Variants in LRRC8B observed in about 807,000 individuals in gnomAD.
LRRC8B encodes the protein volume-regulated anion channel subunit LRRC8B.
LRRC8B carries 23 observed loss-of-function variants against 58.8 expected under a neutral mutation model. The observed-to-expected ratio is 0.39, with a 90% CI of 0.28 to 0.55. The LOEUF (loss-of-function observed/expected upper bound fraction) is 0.55. Ranked by LOEUF, LRRC8B falls within the 20% of genes least tolerant of loss-of-function variation. LRRC8B has a pLI of 0.62. For synonymous variants in LRRC8B, 359 were observed against 374.1 expected (o/e 0.96, Z 0.47); for missense variants, 694 against 936.0 (o/e 0.74, Z 3.37).
rs1181964605 is a variant in LRRC8B at position 89,583,640 on chromosome 1, T to C, written c.990T>C (p.Ser330=). Residue 330 remains serine (S), a synonymous_variant, in exon 5 of 6, where the codon TCT becomes TCC. Coordinates refer to ENST00000330947, the MANE Select transcript of LRRC8B (RefSeq NM_001369817.2). The surrounding 1 kb of genome is among the most constrained non-coding windows in gnomAD (Gnocchi z 5.2). ...TGGTTATACTTTATGGTCTGACCTC[T>C]TCCTACAGCCTGTGGTGGATGCTGA... is the stretch of plus-strand genomic sequence containing the variant. ...VILVILYGLT[S]SYSLWWMLRS... is the part of the protein sequence containing the mutation. 6.2e-7 allele frequency: 1 copy of C among 1,613,482 alleles called. No homozygotes were observed. Among genetic ancestry groups the C allele is most frequent in the South Asian group, 1.1e-5 (1 of 91,082 alleles).
chr1:89,588,350 G>C (rs1654769142), intron 5 of LRRC8B, among the ~76,000 whole-genome samples: 1 of 152,176 alleles, frequency 6.6e-6, no homozygotes, highest in Non-Finnish European at 1.5e-5. Context: ...TATGCATTGT[G>C]CTTCTCCAAG....
intron 1 of LRRC8B, among the ~76,000 whole-genome samples, chr1:89,567,090 G>A (rs1436132295): frequency 1.3e-5 from 2 of 152,164 alleles, no homozygotes; most frequent in African/African-American, 2.4e-5. Context: ...ACGTGCTGAC[G>A]CAGGCCGCCT....
chr1:89,561,868 C>A (rs113118100), intron 1 of LRRC8B, among the ~76,000 whole-genome samples: 2 of 151,688 alleles, frequency 1.3e-5, no homozygotes, highest in East Asian at 3.9e-4. Context: ...CTTGGCAATG[C>A]GGGCTCTTTT....
intron 4 of LRRC8B, 147 bp from the exon 5 acceptor site, chr1:89,582,478 A>T: frequency 1.7e-6 from 1 of 599,590 alleles, no homozygotes; most frequent in East Asian, 2.8e-5. Context: ...CAGAAGACTT[A>T]TGTGCCCCTT....
chr1:89,552,378 AG>A (rs139565365), intron 1 of LRRC8B, among the ~76,000 whole-genome samples: 8,594 of 152,256 alleles, frequency 0.056, 278 homozygotes, highest in African/African-American at 0.085. Flanking sequence ...GATCCTACTT[AG>A]TATCCATCTT....
At chr1:89,575,107 T>C (rs1653747821) in intron 3 of LRRC8B, among the ~76,000 whole-genome samples, 1 of 152,160 alleles carries the variant, frequency 6.6e-6, no homozygotes, top group African/African-American at 2.4e-5. Context: ...GTGCTTTCCA[T>C]GTAAGAGGAA....
intron 1 of LRRC8B, among the ~76,000 whole-genome samples, chr1:89,551,842 A>C (rs1651841922): frequency 6.6e-6 from 1 of 152,120 alleles, no homozygotes; most frequent in Non-Finnish European, 1.5e-5. Context: ...AATAGAATTG[A>C]CTCAGTTTCT....
At chr1:89,546,088 T>G (rs1651384915) in intron 1 of LRRC8B, among the ~76,000 whole-genome samples, 1 of 152,108 alleles carries the variant, frequency 6.6e-6, no homozygotes, top group Non-Finnish European at 1.5e-5. Context: ...ATAAAAATGG[T>G]ATATTATGTG....
At chr1:89,591,769 C>G (rs1419650745) in intron 5 of LRRC8B, among the ~76,000 whole-genome samples, 2 of 152,176 alleles carry the variant, frequency 1.3e-5, no homozygotes, top group East Asian at 1.9e-4. Context: ...GGCCAAGTCC[C>G]TGAGTGCCCT....
chr1:89,556,130 TA>T (rs1652171226), intron 1 of LRRC8B, among the ~76,000 whole-genome samples: 2 of 152,270 alleles, frequency 1.3e-5, no homozygotes, highest in South Asian at 4.1e-4. Context: ...TTTCAGTCAC[TA>T]ACGGCCAATG....
rs1654405235 is a variant in LRRC8B, at chr1:89,583,608, G to A, written c.958G>A (p.Val320Ile). ...EIFKVLASFYVILVILYGLTS... is the reference protein window; with the variant it reads ...EIFKVLASFYIILVILYGLTS... ...CTTTAAGGTCCTGGCTTCATTTTAT[G>A]TCATTTTGGTTATACTTTATGGTCT... is the stretch of plus-strand genomic sequence containing the variant. Residue 320 changes from valine (V) to isoleucine (I), a missense_variant, in exon 5 of 6, where the codon GTC becomes ATC. Val to Ile is a conservative substitution (Grantham distance 29). This residue lies in a region of LRRC8B where 316 missense variants were observed against 403.8 expected (regional missense o/e 0.78). Coordinates refer to ENST00000330947, the MANE Select transcript of LRRC8B (RefSeq NM_001369817.2). The surrounding 1 kb of genome is among the most constrained non-coding windows in gnomAD (Gnocchi z 5.2). 13 of 1,611,794 alleles carry A rather than the reference G, an allele frequency of 8.1e-6. No homozygotes were observed. In the East Asian group the frequency reaches 2.9e-4, roughly 36 times the overall value.
chr1:89,594,469 A>G lies in LRRC8B; in HGVS notation c.*1426A>G, dbSNP rs1020164600. 6.6e-6 allele frequency: 1 copy of G among 152,166 alleles called. No individual in the cohort carries two copies. The highest frequency in any genetic ancestry group is 6.5e-5 in the Admixed American group (1 of 15,278). 9.4% of individuals were successfully genotyped at this position (152,166 alleles called of 1,614,324 possible). The stretch of plus-strand genomic sequence containing the variant: ...GGGAGAGGTACAGATTTGGTTTTTA[A>G]ATTGATTTTAAAATACTTTATAGAA... On this transcript the variant is annotated 3_prime_UTR_variant, in exon 6 of 6. Coordinates refer to ENST00000330947, the MANE Select transcript of LRRC8B (RefSeq NM_001369817.2).
intron 1 of LRRC8B, among the ~76,000 whole-genome samples, chr1:89,556,110 G>A (rs1652168563): frequency 6.6e-6 from 1 of 152,150 alleles, no homozygotes; most frequent in Admixed American, 6.6e-5. Context: ...AGGGGAGAGG[G>A]ACTGGAGATT....
intron 5 of LRRC8B, among the ~76,000 whole-genome samples, chr1:89,589,236 C>G (rs1425058653): frequency 6.6e-6 from 1 of 152,166 alleles, no homozygotes; most frequent in East Asian, 1.9e-4. Context: ...AGCAATTCAC[C>G]TGAGGTCTGA....
chr1:89,555,004 G>C (rs1570591180), intron 1 of LRRC8B, among the ~76,000 whole-genome samples: 1 of 152,084 alleles, frequency 6.6e-6, no homozygotes, highest in South Asian at 2.1e-4. Flanking sequence ...CAAACTTCCA[G>C]ATGGGGAGTA....
intron 1 of LRRC8B, among the ~76,000 whole-genome samples, chr1:89,554,810 G>T (rs903371209): frequency 6.6e-6 from 1 of 152,120 alleles, no homozygotes; most frequent in African/African-American, 2.4e-5. Flanking sequence ...AGAAAAGACA[G>T]GAAAAAAACT....
intron 1 of LRRC8B, among the ~76,000 whole-genome samples, chr1:89,538,103 A>C (rs1361841683): frequency 6.6e-6 from 1 of 152,186 alleles, no homozygotes; most frequent in African/African-American, 2.4e-5. Flanking sequence ...CTTCACTCTG[A>C]AAGAGCATGG....
At chr1:89,574,759 G>A (rs1335567096) in intron 3 of LRRC8B, among the ~76,000 whole-genome samples, 1 of 152,034 alleles carries the variant, frequency 6.6e-6, no homozygotes, top group African/African-American at 2.4e-5. Flanking sequence ...CCTCTACCCA[G>A]CAAAAGACCA....
rs1488054784 is a variant in LRRC8B, at chr1:89,595,791, A to G, written c.*2748A>G. On this transcript the variant is annotated 3_prime_UTR_variant, in exon 6 of 6. Transcript: ENST00000330947. ...CACCTTTACTGTACTGTTGGAGCAG[A>G]TCTTTATTTTACAAGTGTTCATATT... 1 of 152,176 alleles carries G rather than the reference A, an allele frequency of 6.6e-6. No homozygotes were observed. Among genetic ancestry groups the G allele is most frequent in the Admixed American group, 6.5e-5 (1 of 15,270 alleles). 9.4% of individuals were successfully genotyped at this position (152,176 alleles called of 1,614,324 possible). A position where few individuals can be genotyped will look rare whatever the true frequency, so the allele number is the denominator to read the frequency against.
Sources: allele counts gnomAD v4.1 joint callset (sites outside exome capture counted in the v4.1 genomes callset), GRCh38; gene constraint gnomAD v4.1.1; regional missense constraint gnomAD v4.1.1; non-coding constraint Gnocchi (gnomAD v3.1); transcripts MANE v1.5; gene names NCBI Gene and HGNC (gene_info 2026-07-23, HGNC 2026-07-21).